PCCB: variants seen among roughly 807,000 people sequenced by gnomAD.
PCCB encodes the protein propionyl-CoA carboxylase subunit beta.
A neutral mutation model predicts 60.7 loss-of-function variants in PCCB; 43 were observed. The observed-to-expected ratio is 0.71, with a 90% confidence interval of 0.55 to 0.91. The LOEUF is 0.91. Ranked by LOEUF, PCCB falls within the 40% of genes least tolerant of loss-of-function variation. PCCB has a pLI of 0.00. For missense variants in PCCB, 766 were observed against 702.8 expected (o/e 1.09, Z -1.02); for synonymous variants, 276 against 255.9 (o/e 1.08, Z -0.75).
At chr3:136,258,324 A>T (rs1941730931) in intron 3 of PCCB, among the ~76,000 whole-genome samples, 1 of 152,172 alleles carries the variant, frequency 6.6e-6, no homozygotes, top group Non-Finnish European at 1.5e-5. Flanking sequence ...TATAGGCAGA[A>T]TGGCACAGAA....
intron 5 of PCCB, among the ~76,000 whole-genome samples, chr3:136,282,918 G>A (rs1161457810): frequency 3.3e-5 from 5 of 152,192 alleles, no homozygotes; most frequent in Non-Finnish European, 5.9e-5. Context: ...GTTACATTTG[G>A]CTCATTTTTA....
chr3:136,250,433 GGT>G lies in PCCB; in HGVS notation c.59_60del (p.Gly20AlafsTer16), dbSNP rs749257605. On this transcript the variant is annotated frameshift_variant, in exon 1 of 15. Coordinates refer to ENST00000251654, the MANE Select transcript of PCCB (RefSeq NM_000532.5). LOFTEE classifies it high-confidence loss of function. Reference sequence around the variant, plus strand: ...GGCAAGGCTCAGCGTTCTGGCGAGCGGTCTCCGCGCCGCGGTCCGCAGCCTTT... The same window carrying G: ...GGCAAGGCTCAGCGTTCTGGCGAGCGCTCCGCGCCGCGGTCCGCAGCCTTT... ...VGARLSVLAS[G>X]LRAAVRSLCS... 1 of 1,595,436 alleles carries G rather than the reference GGT, an allele frequency of 6.3e-7. No homozygotes were observed. The highest frequency in any genetic ancestry group is 8.5e-7 in the Non-Finnish European group (1 of 1,171,116).
chr3:136,283,807 C>A, intron 5 of PCCB, 30 bp from the exon 6 acceptor site: 1 of 1,407,778 alleles, frequency 7.1e-7, no homozygotes, highest in Non-Finnish European at 1.0e-6. Context: ...ATCTCTGTAA[C>A]CAGATGCTTT....
chr3:136,311,414 C>G (rs1934661856), intron 9 of PCCB, among the ~76,000 whole-genome samples: 1 of 152,042 alleles, frequency 6.6e-6, no homozygotes, highest in African/African-American at 2.4e-5. Context: ...TGCAGTGACC[C>G]AGTCACAACT....
At chr3:136,283,613 G>T (rs1194814725) in intron 5 of PCCB, among the ~76,000 whole-genome samples, 1 of 152,142 alleles carries the variant, frequency 6.6e-6, no homozygotes. Flanking sequence ...GGAGGGGAGA[G>T]AAAATACTTG....
Position 136,250,392 on chromosome 3 carries a change from G to A in PCCB, c.17G>A (p.Arg6Gln), listed in dbSNP as rs767965814. The A allele has an allele frequency of 1.1e-5, 17 of 1,538,880 alleles. No homozygotes were observed. Among genetic ancestry groups the A allele is most frequent in the South Asian group, 1.1e-4 (9 of 82,362 alleles). ...ACAGCAAAAATGGCGGCGGCATTAC[G>A]GGTGGCGGCGGTCGGGGCAAGGCTC... MAAALRVAAVGARLSV... is the reference protein window; with the variant it reads MAAALQVAAVGARLSV... The change falls in exon 1 of 15, where the codon CGG becomes CAG. Residue 6 changes from arginine to glutamine, a missense_variant. Coordinates refer to ENST00000251654, the MANE Select transcript of PCCB (RefSeq NM_000532.5).
intron 5 of PCCB, among the ~76,000 whole-genome samples, chr3:136,268,978 A>G (rs1443777776): frequency 2.0e-5 from 3 of 152,152 alleles, no homozygotes; most frequent in Admixed American, 2.0e-4. Context: ...TGTTAAACTT[A>G]TACCTAAAAT....
chr3:136,288,846 A>G (rs1307886612), intron 6 of PCCB, among the ~76,000 whole-genome samples: 2 of 152,056 alleles, frequency 1.3e-5, no homozygotes, highest in East Asian at 1.9e-4. Flanking sequence ...TGTGTCGCCC[A>G]TGCTGAAGAG....
Position 136,304,933 on chromosome 3 carries a change from G to A in PCCB, c.966+3822G>A, listed in dbSNP as rs868006645. 4.1e-5 allele frequency among the ~76,000 whole-genome samples: 5 copies of A among 120,720 alleles called. 1 individual carries two copies. Among genetic ancestry groups the A allele is most frequent in the African/African-American group, 1.3e-4 (5 of 39,698 alleles). The allele number at this position is 120,720 out of a possible 152,430, so 79.2% of individuals were successfully genotyped here. ...TCTTGATCTCCTGACCTCATGATCC[G>A]CCTGCCTCGGCCTCCCAAAGTGCTG... On this transcript the variant is annotated intron_variant, in intron 9 of 14. Coordinates refer to ENST00000251654, the MANE Select transcript of PCCB (RefSeq NM_000532.5).
chr3:136,317,065 G>T lies in PCCB; in HGVS notation c.1090+1G>T, dbSNP rs1191005229. 6.2e-7 allele frequency: 1 copy of T among 1,614,124 alleles called. No homozygotes were observed. Reference sequence around the variant, plus strand: ...GGCAACCAACCTAAGGTGGCCTCAGGTAGGATGGAGCTCTTATAAGCCTTG... The same window carrying T: ...GGCAACCAACCTAAGGTGGCCTCAGTTAGGATGGAGCTCTTATAAGCCTTG... On this transcript the variant is annotated splice_donor_variant, in intron 10 of 14. Coordinates refer to ENST00000251654, the MANE Select transcript of PCCB (RefSeq NM_000532.5). LOFTEE classifies it high-confidence loss of function.
intron 10 of PCCB, among the ~76,000 whole-genome samples, chr3:136,321,705 T>C (rs952263302): frequency 5.9e-5 from 9 of 152,334 alleles, no homozygotes; most frequent in South Asian, 2.1e-4. Flanking sequence ...ACATGGGTAT[T>C]ACAATTTGAG....
At chr3:136,325,364 T>C (rs1322219828) in intron 10 of PCCB, among the ~76,000 whole-genome samples, 1 of 150,982 alleles carries the variant, frequency 6.6e-6, no homozygotes, top group Non-Finnish European at 1.5e-5. Flanking sequence ...TCCTTTCCTT[T>C]CCTTTTTTTT....
rs369763508 is a variant in PCCB, at chr3:136,281,520, C to G, written c.544-2317C>G. Among the ~76,000 whole-genome samples, 5 of 152,116 alleles carry G rather than the reference C, an allele frequency of 3.3e-5. No homozygotes were observed. In the East Asian group the frequency reaches 7.7e-4, roughly 24 times the overall value. ...GTTCAGACATTGATTTCCTGATTTC[C>G]TGTAGTTTTTTCCCCCCACAGCTTT... On this transcript the variant is annotated intron_variant, in intron 5 of 14. Transcript: ENST00000251654.
intron 10 of PCCB, among the ~76,000 whole-genome samples, chr3:136,319,741 C>T (rs983518818): frequency 6.6e-6 from 1 of 152,020 alleles, no homozygotes; most frequent in Admixed American, 6.6e-5. Flanking sequence ...TGTATTTTTT[C>T]TTCTGTTGCA....
At chr3:136,255,780 C>T in intron 1 of PCCB, 76 bp from the exon 2 acceptor site, 1 of 1,344,722 alleles carries the variant, frequency 7.4e-7, no homozygotes, top group Non-Finnish European at 1.1e-6. Context: ...CCTTCAAGCC[C>T]TCCCATGAAC....
intron 10 of PCCB, among the ~76,000 whole-genome samples, chr3:136,326,059 G>A (rs777368175): frequency 3.3e-5 from 5 of 151,334 alleles, no homozygotes; most frequent in Non-Finnish European, 4.4e-5. Flanking sequence ...TGATCTGCCC[G>A]CCTCGGCCTC....
chr3:136,255,704 C>G (rs1406365291), intron 1 of PCCB, 152 bp from the exon 2 acceptor site: 6 of 736,514 alleles, frequency 8.1e-6, no homozygotes, highest in Non-Finnish European at 1.2e-5. Context: ...ACTAATAACA[C>G]CTATCTGCCT....
At chr3:136,259,133 G>A in intron 3 of PCCB, 1 of 1,452,238 alleles carries the variant, frequency 6.9e-7, no homozygotes, top group Non-Finnish European at 9.1e-7. Context: ...AAGAAGCAGT[G>A]AGAGCTCTGA....
intron 5 of PCCB, among the ~76,000 whole-genome samples, chr3:136,265,606 A>AT (rs1454913377): frequency 6.6e-6 from 1 of 152,168 alleles, no homozygotes; most frequent in Non-Finnish European, 1.5e-5. Flanking sequence ...TACTGTGAAC[A>AT]TTTGTGTATT....
Sources: allele counts gnomAD v4.1 joint callset (sites outside exome capture counted in the v4.1 genomes callset), GRCh38; gene constraint gnomAD v4.1.1; transcripts MANE v1.5; gene names NCBI Gene and HGNC (gene_info 2026-07-23, HGNC 2026-07-21).